Variants in THSD7B observed in about 807,000 individuals in gnomAD.
The protein encoded by THSD7B is thrombospondin type 1 domain containing 7B.
In THSD7B, 138 loss-of-function variants were observed where a neutral mutation model predicts 213.6. That is an observed-to-expected ratio of 0.65 (90% CI 0.56 to 0.74). THSD7B has a LOEUF of 0.74. THSD7B is among the 30% of genes least tolerant of loss of function. The pLI is 0.00. For missense variants in THSD7B, 1,931 were observed against 1,991.5 expected, an observed-to-expected ratio of 0.97 and a Z score of 0.58; for synonymous variants, 742 against 687.0, an observed-to-expected ratio of 1.08 and a Z score of -1.25.
At chr2:136,878,738 A>G (rs1683567239) in intron 1 of THSD7B, among the ~76,000 whole-genome samples, 1 of 152,130 alleles carries the variant, frequency 6.6e-6, no homozygotes, top group Non-Finnish European at 1.5e-5. Flanking sequence ...CTGTTCATAG[A>G]CTTCGCCCAC....
intron 14 of THSD7B, among the ~76,000 whole-genome samples, chr2:137,440,730 A>G (rs915910838): frequency 7.2e-5 from 11 of 152,140 alleles, no homozygotes; most frequent in Non-Finnish European, 1.6e-4. Flanking sequence ...ACACAAATAT[A>G]TAAATAAATA....
intron 1 of THSD7B, among the ~76,000 whole-genome samples, chr2:136,866,340 ACTT>A (rs1683332163): frequency 6.6e-6 from 1 of 152,036 alleles, no homozygotes; most frequent in Non-Finnish European, 1.5e-5. Context: ...TCTGAGTATT[ACTT>A]CTTTTTCCCT....
At chr2:136,912,393 G>A (rs1684278111) in intron 2 of THSD7B, among the ~76,000 whole-genome samples, 1 of 150,380 alleles carries the variant, frequency 6.6e-6, no homozygotes, top group South Asian at 2.1e-4. Flanking sequence ...ATGTGTGCGA[G>A]ACTCCCTCTC....
intron 7 of THSD7B, among the ~76,000 whole-genome samples, chr2:137,229,451 A>T (rs1260740644): frequency 1.3e-5 from 2 of 152,128 alleles, no homozygotes; most frequent in Non-Finnish European, 2.9e-5. Flanking sequence ...CAGCTTGATT[A>T]TCTGCTAGAA....
At chr2:137,075,303 C>T (rs761552178) in intron 3 of THSD7B, among the ~76,000 whole-genome samples, 29 of 152,096 alleles carry the variant, frequency 1.9e-4, no homozygotes, top group Non-Finnish European at 4.0e-4. Flanking sequence ...TCTTTTTTCT[C>T]TAAACTTCTC....
intron 3 of THSD7B, among the ~76,000 whole-genome samples, chr2:137,061,487 T>C (rs1413851087): frequency 4.3e-5 from 6 of 138,548 alleles, no homozygotes; most frequent in African/African-American, 1.8e-4. Context: ...TTGTTAGCTA[T>C]AGGTTTTTTT....
chr2:137,210,513 T>C (rs926903224), intron 7 of THSD7B, among the ~76,000 whole-genome samples: 3 of 152,072 alleles, frequency 2.0e-5, no homozygotes, highest in African/African-American at 7.2e-5. Context: ...GACTCTTTTT[T>C]CTTTTCTTTT....
intron 2 of THSD7B, among the ~76,000 whole-genome samples, chr2:136,999,183 T>C (rs1685957100): frequency 6.6e-6 from 1 of 152,180 alleles, no homozygotes; most frequent in Non-Finnish European, 1.5e-5. Context: ...CCCAAGTAGA[T>C]AGTAGCCATG....
At chr2:137,535,243 G>A (rs1680482319) in intron 15 of THSD7B, among the ~76,000 whole-genome samples, 1 of 151,434 alleles carries the variant, frequency 6.6e-6, no homozygotes, top group Non-Finnish European at 1.5e-5. Flanking sequence ...GACACACTTG[G>A]CTGAAAGTTC....
chr2:137,096,217 T>C (rs1277799081), intron 4 of THSD7B, among the ~76,000 whole-genome samples: 1 of 152,210 alleles, frequency 6.6e-6, no homozygotes, highest in African/African-American at 2.4e-5. Context: ...GCATTTTTCT[T>C]ATAGTTTCTT....
chr2:137,586,817 G>T (rs890915374), intron 17 of THSD7B, among the ~76,000 whole-genome samples: 3 of 152,110 alleles, frequency 2.0e-5, no homozygotes, highest in Non-Finnish European at 2.9e-5. Flanking sequence ...GTGTGTCTTG[G>T]AGTTGCTCTC....
At chr2:136,961,004 G>T (rs62172676) in intron 2 of THSD7B, among the ~76,000 whole-genome samples, 48,754 of 145,966 alleles carry the variant, frequency 0.33, 8,555 homozygotes, top group East Asian at 0.68. Flanking sequence ...TAGAAGAATG[G>T]CGTGAACCCG....
intron 1 of THSD7B, among the ~76,000 whole-genome samples, chr2:136,812,207 A>T (rs924111317): frequency 8.5e-5 from 13 of 152,214 alleles, no homozygotes; most frequent in African/African-American, 3.1e-4. Context: ...TCACACTCTG[A>T]ACACACTTAG....
At chr2:137,665,287 A>G (rs1254690679) in intron 26 of THSD7B, among the ~76,000 whole-genome samples, 1 of 152,178 alleles carries the variant, frequency 6.6e-6, no homozygotes, top group Non-Finnish European at 1.5e-5. Flanking sequence ...ATCCACAAGT[A>G]AGCCCTTAAC....
Position 137,404,240 on chromosome 2 carries a change from T to C in THSD7B, c.2501-1373T>C, listed in dbSNP as rs187991299. ...AAGCTATAAAGAACTAAAAAAGCTGTAAAGAACTAAAAGTAGAATTACCAT... is the reference window on the plus strand; with the variant it reads ...AAGCTATAAAGAACTAAAAAAGCTGCAAAGAACTAAAAGTAGAATTACCAT... On this transcript the variant is annotated intron_variant, in intron 12 of 27. Transcript: ENST00000409968. Among the ~76,000 whole-genome samples, 45 of 151,414 alleles carry C rather than the reference T, an allele frequency of 3.0e-4. 1 individual carries two copies. In the East Asian group the frequency reaches 7.8e-3, roughly 26 times the overall value.
At chr2:137,102,241 G>C (rs188205798) in intron 4 of THSD7B, among the ~76,000 whole-genome samples, 17 of 151,306 alleles carry the variant, frequency 1.1e-4, no homozygotes, top group Non-Finnish European at 7.3e-5. Context: ...AGATACCCAG[G>C]CAAACAGAGC....
intron 12 of THSD7B, among the ~76,000 whole-genome samples, chr2:137,342,655 A>G (rs1684786721): frequency 6.6e-6 from 1 of 151,502 alleles, no homozygotes; most frequent in African/African-American, 2.4e-5. Context: ...CTTCTCATAT[A>G]TGGCCTTTAT....
intron 10 of THSD7B, among the ~76,000 whole-genome samples, chr2:137,271,391 T>G (rs1197059686): frequency 7.1e-6 from 1 of 140,076 alleles, no homozygotes; most frequent in Non-Finnish European, 1.5e-5. Context: ...ATATATATTA[T>G]GAATTATATA....
chr2:137,014,876 G>A (rs367903996), intron 2 of THSD7B, among the ~76,000 whole-genome samples: 6 of 151,930 alleles, frequency 3.9e-5, no homozygotes, highest in South Asian at 2.1e-4. Context: ...TCTAGTCTCC[G>A]GAGCTCTGAG....
Sources: allele counts gnomAD v4.1 joint callset (sites outside exome capture counted in the v4.1 genomes callset), GRCh38; gene constraint gnomAD v4.1.1; transcripts MANE v1.5; gene names NCBI Gene and HGNC (gene_info 2026-07-23, HGNC 2026-07-21).